TEN1: variants seen among roughly 807,000 people sequenced by gnomAD.
The protein encoded by TEN1 is TEN1 subunit of CST complex, also known as CST complex subunit TEN1.
In TEN1, 6 loss-of-function variants were observed where a neutral mutation model predicts 9.3. The observed-to-expected ratio is 0.65, with a 90% CI of 0.35 to 1.27. The LOEUF (loss-of-function observed/expected upper bound fraction) is 1.27. TEN1 is among the 50% of genes most tolerant of loss of function. TEN1 has a pLI of 0.03. For synonymous variants in TEN1, 65 were observed against 65.6 expected (o/e 0.99, Z 0.04); for missense variants, 149 against 158.2 (o/e 0.94, Z 0.31).
chr17:75,996,769 AAG>A (rs902835808), intron 3 of TEN1, among the ~76,000 whole-genome samples: 1 of 151,862 alleles, frequency 6.6e-6, no homozygotes, highest in African/African-American at 2.4e-5. Flanking sequence ...AGAAAGAGAA[AAG>A]AGAAGAGAAA....
chr17:75,988,896 G>A (rs1459440205), intron 2 of TEN1, among the ~76,000 whole-genome samples: 11 of 146,382 alleles, frequency 7.5e-5, no homozygotes, highest in East Asian at 6.3e-4. Context: ...TCAGCCTCCC[G>A]AGTAGCTGGT....
Position 75,986,182 on chromosome 17 carries a change from TACAG to T in TEN1, c.-6-4_-6-1del. 1 of 1,542,266 alleles carries T rather than the reference TACAG, an allele frequency of 6.5e-7. No homozygotes were observed. Among genetic ancestry groups the T allele is most frequent in the Non-Finnish European group, 8.8e-7 (1 of 1,142,722 alleles). On this transcript the variant is annotated splice_acceptor_variant and splice_polypyrimidine_tract_variant and intron_variant, in intron 1 of 3. Transcript: ENST00000397640. LOFTEE classifies it low-confidence loss of function (5UTR_SPLICE). ...TCAAAATCCCTCTCAACTATTTGGT[TACAG>T]GAGCCCATGATGCTGCCCAAACCTG...
intron 1 of TEN1, 144 bp from the exon 2 acceptor site, chr17:75,986,043 A>G (rs2066150229): frequency 1.6e-6 from 1 of 620,020 alleles, no homozygotes; most frequent in South Asian, 2.7e-5. Context: ...TCCCCCCAAA[A>G]AATTTTTTTT....
At chr17:75,985,392 C>T (rs965132881) in intron 1 of TEN1, among the ~76,000 whole-genome samples, 1 of 152,158 alleles carries the variant, frequency 6.6e-6, no homozygotes, top group Non-Finnish European at 1.5e-5. Flanking sequence ...AAGGGATCCA[C>T]CTGGCTTGGC....
intron 3 of TEN1, among the ~76,000 whole-genome samples, chr17:75,998,615 A>C (rs900379741): frequency 1.3e-5 from 2 of 152,214 alleles, no homozygotes; most frequent in African/African-American, 4.8e-5. Context: ...GACCTAGACT[A>C]GAGGAAAGGG....
chr17:75,988,280 G>A (rs1248433610), intron 2 of TEN1, among the ~76,000 whole-genome samples: 1 of 151,238 alleles, frequency 6.6e-6, no homozygotes, highest in Non-Finnish European at 1.5e-5. Flanking sequence ...CTAGTTAAGG[G>A]CTGGGTGTGG....
intron 1 of TEN1, among the ~76,000 whole-genome samples, chr17:75,980,478 A>T (rs1412070480): frequency 6.7e-6 from 1 of 150,330 alleles, no homozygotes; most frequent in Non-Finnish European, 1.5e-5. Flanking sequence ...CCCAGGCTGC[A>T]GTGTGGTGGT....
chr17:75,992,924 C>G (rs1170760514), intron 3 of TEN1, among the ~76,000 whole-genome samples: 1 of 150,278 alleles, frequency 6.7e-6, no homozygotes, highest in Non-Finnish European at 1.5e-5. Flanking sequence ...CTCAGCCTCC[C>G]GAGTAGCCCT....
Position 75,979,394 on chromosome 17 carries a change from C to T in TEN1, c.-124C>T, listed in dbSNP as rs1360316545. The T allele has an allele frequency of 2.0e-6, 1 of 495,636 alleles. No homozygotes were observed. The highest frequency in any genetic ancestry group is 3.7e-6 in the Non-Finnish European group (1 of 271,616). The allele number at this position is 495,636 out of a possible 1,614,324, so 30.7% of individuals were successfully genotyped here. On this transcript the variant is annotated 5_prime_UTR_variant, in exon 1 of 4. Coordinates refer to ENST00000397640, the MANE Select transcript of TEN1 (RefSeq NM_001113324.3). ...GGGGCTCCGAAGGTCAAGAAACTGC[C>T]CTGCTGGGCGTCCGGGGAGTGGGAA...
At chr17:75,997,933 C>T (rs762013505) in intron 3 of TEN1, among the ~76,000 whole-genome samples, 3 of 151,878 alleles carry the variant, frequency 2.0e-5, no homozygotes, top group Non-Finnish European at 4.4e-5. Flanking sequence ...CTGCTTACTG[C>T]AACCTCTGCT....
chr17:75,979,648 T>G (rs1468095654), intron 1 of TEN1, 137 bp downstream of exon 1: 1 of 176,018 alleles, frequency 5.7e-6, no homozygotes, highest in Non-Finnish European at 1.2e-5. Context: ...ATGAGAGTGG[T>G]CGGGAGACTC....
chr17:75,988,641 G>A (rs1211486304), intron 2 of TEN1, among the ~76,000 whole-genome samples: 1 of 150,684 alleles, frequency 6.6e-6, no homozygotes, highest in Non-Finnish European at 1.5e-5. Flanking sequence ...TTATATTACT[G>A]TATTGTAGCA....
At position 76,000,278 on chromosome 17, in the gene TEN1, CA is replaced by C. The variant is rs1203416838; in HGVS notation, c.*18del. Reference sequence around the variant, plus strand: ...CAGCCAGTAGGAAACAGCAGCCTAGCAACACCCTCACCTGCTTCAGAGCCCG... The same window carrying C: ...CAGCCAGTAGGAAACAGCAGCCTAGCACACCCTCACCTGCTTCAGAGCCCG... On this transcript the variant is annotated 3_prime_UTR_variant, in exon 4 of 4. Coordinates refer to ENST00000397640, the MANE Select transcript of TEN1 (RefSeq NM_001113324.3). This position sits in a 1 kb window ranked among gnomAD's most constrained non-coding sequence, Gnocchi z 5.9. 2 of 1,549,106 alleles carry C rather than the reference CA, an allele frequency of 1.3e-6. No homozygotes were observed. Among genetic ancestry groups the C allele is most frequent in the Middle Eastern group, 1.7e-4 (1 of 5,974 alleles).
chr17:75,995,221 A>C (rs903851726), intron 3 of TEN1, among the ~76,000 whole-genome samples: 4 of 53,620 alleles, frequency 7.5e-5, no homozygotes, highest in African/African-American at 2.7e-4. Flanking sequence ...ACCCTGTTTC[A>C]AAAAAAAAAA....
intron 2 of TEN1, among the ~76,000 whole-genome samples, chr17:75,986,772 G>A (rs574198252): frequency 6.6e-6 from 1 of 151,806 alleles, no homozygotes; most frequent in South Asian, 2.1e-4. Context: ...AAAAAGTGTA[G>A]ATAGTCCATA....
intron 2 of TEN1, among the ~76,000 whole-genome samples, chr17:75,986,853 T>C (rs987682251): frequency 6.6e-6 from 1 of 152,110 alleles, no homozygotes; most frequent in African/African-American, 2.4e-5. Context: ...CCTTTGGTGA[T>C]TATCCTCGTG....
rs1207793040 is a variant in TEN1 at position 75,991,631 on chromosome 17, G to A, written c.250+8G>A. On this transcript the variant is annotated splice_region_variant and intron_variant, in intron 3 of 3. Transcript: ENST00000397640. Reference sequence around the variant, plus strand: ...AGCTCCAGCATCAGCAGGGTGAGCTGCAGCCTCAGATCCCCTTTCTCATCC... The same window carrying A: ...AGCTCCAGCATCAGCAGGGTGAGCTACAGCCTCAGATCCCCTTTCTCATCC... The A allele has an allele frequency of 1.3e-6, 2 of 1,550,322 alleles. No individual in the cohort carries two copies. The highest frequency in any genetic ancestry group is 1.7e-6 in the Non-Finnish European group (2 of 1,146,386).
chr17:75,988,448 G>A (rs1393402463), intron 2 of TEN1, among the ~76,000 whole-genome samples: 1 of 150,988 alleles, frequency 6.6e-6, no homozygotes, highest in African/African-American at 2.4e-5. Flanking sequence ...TGTAGCCCCA[G>A]CTACTGGGGA....
At chr17:75,989,989 C>T (rs2144352893) in intron 2 of TEN1, among the ~76,000 whole-genome samples, 1 of 149,508 alleles carries the variant, frequency 6.7e-6, no homozygotes, top group Middle Eastern at 3.7e-3. Flanking sequence ...TCAAGCAATC[C>T]TCTTGCCTCA....
Sources: gnomAD v4.1 joint callset for allele counts (sites outside exome capture counted in the v4.1 genomes callset) on GRCh38, gnomAD v4.1.1 for gene constraint, Gnocchi (gnomAD v3.1) non-coding constraint, MANE v1.5 for transcripts, NCBI Gene and HGNC (gene_info 2026-07-23, HGNC 2026-07-21) for gene names.